Variants in DCAF10 observed in about 807,000 individuals in gnomAD.
DCAF10 encodes the protein DDB1 and CUL4 associated factor 10.
DCAF10 carries 19 observed loss-of-function variants against 51.9 expected under a neutral mutation model. The observed-to-expected ratio is 0.37, with a 90% CI of 0.26 to 0.54. The LOEUF (loss-of-function observed/expected upper bound fraction) is 0.54, where lower values mean the gene tolerates loss of function less well. Ranked by LOEUF, DCAF10 falls within the 20% of genes least tolerant of loss-of-function variation. The pLI is 0.87. For synonymous variants in DCAF10, 291 were observed against 297.1 expected (o/e 0.98, Z 0.21); for missense variants, 510 against 730.6 (o/e 0.70, Z 3.48).
chr9:37,854,930 A>G lies in DCAF10; in HGVS notation c.1002A>G (p.Leu334=). The change falls in exon 4 of 7, where the codon TTA becomes TTG. Residue 334 remains leucine (L), a synonymous_variant. Coordinates refer to ENST00000377724, the MANE Select transcript of DCAF10 (RefSeq NM_024345.5). ...ILHDLDLTKS[L]EVGSYPILRA... The stretch of plus-strand genomic sequence containing the variant: ...ATGACCTTGACTTAACTAAGTCTTT[A>G]GAAGTAGGCAGCTATCCCATTTTAA... 6.2e-7 allele frequency: 1 copy of G among 1,613,976 alleles called. No individual in the cohort carries two copies.
chr9:37,855,509 A>G lies in DCAF10; in HGVS notation c.1054+527A>G, dbSNP rs1830820619. On this transcript the variant is annotated intron_variant, in intron 4 of 6. Transcript: ENST00000377724. ...CCCATTGCTGATTTTGTTAGACTTA[A>G]GAGAATTTAGGGTTCAGAAAAATGT... 1.3e-5 allele frequency among the ~76,000 whole-genome samples: 2 copies of G among 152,242 alleles called. 1 individual carries two copies. The highest frequency in any genetic ancestry group is 2.9e-5 in the Non-Finnish European group (2 of 68,046).
chr9:37,828,132 C>T (rs575776161), intron 2 of DCAF10, among the ~76,000 whole-genome samples: 1 of 152,270 alleles, frequency 6.6e-6, no homozygotes, highest in South Asian at 2.1e-4. Context: ...AAGCGATCCT[C>T]CCACCTCGGC....
intron 1 of DCAF10, among the ~76,000 whole-genome samples, chr9:37,804,698 C>T (rs866911542): frequency 4.0e-5 from 6 of 151,826 alleles, no homozygotes; most frequent in African/African-American, 1.2e-4. Flanking sequence ...ATCGCTTGAA[C>T]TTGGGAGGTA....
intron 1 of DCAF10, among the ~76,000 whole-genome samples, chr9:37,804,548 G>T (rs965227961): frequency 1.3e-5 from 2 of 152,116 alleles, no homozygotes; most frequent in African/African-American, 4.8e-5. Context: ...AGGCTGAGGT[G>T]GGTGGATCAC....
chr9:37,817,761 CATT>C (rs1216828536), intron 1 of DCAF10, among the ~76,000 whole-genome samples: 3 of 151,946 alleles, frequency 2.0e-5, no homozygotes, highest in African/African-American at 7.3e-5. Flanking sequence ...CTCCCAGAAT[CATT>C]GATTCACTAC....
rs1186509412 is a variant in DCAF10, at chr9:37,819,297, G to A, written c.549G>A (p.Leu183=). 6 of 1,613,498 alleles carry A rather than the reference G, an allele frequency of 3.7e-6. No individual in the cohort carries two copies. In the Admixed American group the frequency reaches 8.3e-5, roughly 22 times the overall value. The change falls in exon 2 of 7, where the codon CTG becomes CTA. Residue 183 remains leucine (L), a synonymous_variant. Coordinates refer to ENST00000377724, the MANE Select transcript of DCAF10 (RefSeq NM_024345.5). ...TGTCATTTGCTTTCAGGTCAGTGCT[G>A]ACAGTTGCTTGTGAACAAACTGAAG... ...NLEYSPDGSV[L]TVACEQTEVL... is the part of the protein sequence containing the mutation.
At chr9:37,840,873 A>AT (rs1186844176) in intron 2 of DCAF10, among the ~76,000 whole-genome samples, 3 of 152,036 alleles carry the variant, frequency 2.0e-5, no homozygotes, top group East Asian at 1.9e-4. Flanking sequence ...CTTTTACTGT[A>AT]TTTTTTCTAT....
intron 2 of DCAF10, among the ~76,000 whole-genome samples, chr9:37,825,560 T>G (rs752583417): frequency 5.9e-5 from 9 of 152,108 alleles, no homozygotes; most frequent in Non-Finnish European, 1.0e-4. Flanking sequence ...CAACAGACGC[T>G]GGGGCCTTCC....
intron 2 of DCAF10, among the ~76,000 whole-genome samples, chr9:37,824,020 A>C (rs964289043): frequency 1.3e-5 from 2 of 151,730 alleles, no homozygotes; most frequent in Non-Finnish European, 1.5e-5. Flanking sequence ...AGCTGGGATT[A>C]CAGGCATGTG....
At chr9:37,855,603 G>T (rs1325502521) in intron 4 of DCAF10, among the ~76,000 whole-genome samples, 2 of 152,154 alleles carry the variant, frequency 1.3e-5, no homozygotes, top group African/African-American at 4.8e-5. Flanking sequence ...TGGGAAAGAG[G>T]GGACTGGTGT....
intron 6 of DCAF10, chr9:37,860,518 A>AACAAACAG: frequency 4.3e-6 from 1 of 233,906 alleles, no homozygotes; most frequent in East Asian, 9.0e-5. Flanking sequence ...CAAACAAACA[A>AACAAACAG]AAACCCCTTG....
At chr9:37,822,466 A>G (rs1408476943) in intron 2 of DCAF10, among the ~76,000 whole-genome samples, 1 of 149,030 alleles carries the variant, frequency 6.7e-6, no homozygotes, top group Non-Finnish European at 1.5e-5. Flanking sequence ...TCAGCCATAA[A>G]AAGGAATGAA....
chr9:37,803,098 G>T (rs907592836), intron 1 of DCAF10, among the ~76,000 whole-genome samples: 6 of 152,128 alleles, frequency 3.9e-5, no homozygotes, highest in African/African-American at 1.2e-4. Flanking sequence ...TAACAGTTTT[G>T]TAAAAGGTGG....
chr9:37,836,228 AGAACATCTAACTGGAAGC>A, intron 2 of DCAF10: 1 of 1,536,640 alleles, frequency 6.5e-7, no homozygotes, highest in East Asian at 2.2e-5. Flanking sequence ...GTTTAGAGTT[AGAACATCTAACTGGAAGC>A]ACAGCAGATG....
chr9:37,847,095 A>C (rs1830495725), intron 3 of DCAF10, among the ~76,000 whole-genome samples: 1 of 151,858 alleles, frequency 6.6e-6, no homozygotes, highest in South Asian at 2.1e-4. Context: ...CTCTACTAAA[A>C]ATACAAAATT....
chr9:37,844,324 G>A (rs926553540), intron 3 of DCAF10, among the ~76,000 whole-genome samples: 1 of 151,786 alleles, frequency 6.6e-6, no homozygotes, highest in African/African-American at 2.4e-5. Flanking sequence ...AGACCAGCCT[G>A]GCCAACATGG....
chr9:37,820,095 A>G (rs986357797), intron 2 of DCAF10, among the ~76,000 whole-genome samples: 1 of 152,216 alleles, frequency 6.6e-6, no homozygotes, highest in African/African-American at 2.4e-5. Context: ...TTTCTATGTA[A>G]TGAGATTATA....
intron 3 of DCAF10, 118 bp from the exon 4 acceptor site, chr9:37,854,661 AT>A: frequency 1.1e-6 from 1 of 883,242 alleles, no homozygotes; most frequent in Non-Finnish European, 1.8e-6. Context: ...TTTTGAGCCC[AT>A]TGACCAAGCT....
At chr9:37,834,457 T>C (rs1830093495) in intron 2 of DCAF10, among the ~76,000 whole-genome samples, 1 of 152,178 alleles carries the variant, frequency 6.6e-6, no homozygotes, top group Non-Finnish European at 1.5e-5. Flanking sequence ...GTTTTTTAAA[T>C]GACCTTATTA....
Sources: gnomAD v4.1 joint callset for allele counts (sites outside exome capture counted in the v4.1 genomes callset) on GRCh38, gnomAD v4.1.1 for gene constraint, MANE v1.5 for transcripts, NCBI Gene and HGNC (gene_info 2026-07-23, HGNC 2026-07-21) for gene names.